CEP170B: variants seen among roughly 807,000 people sequenced by gnomAD.
CEP170B encodes centrosomal protein of 170 kDa protein B.
A neutral mutation model predicts 120.6 loss-of-function variants in CEP170B; 55 were observed. That is an observed-to-expected ratio of 0.46 (90% confidence interval 0.37 to 0.57). The LOEUF is 0.57. Among genes scored for constraint, CEP170B ranks in the 20% least tolerant of loss-of-function variants. CEP170B has a pLI of 0.00. For missense variants in CEP170B, 2,212 were observed against 2,253.3 expected, an observed-to-expected ratio of 0.98 and a Z score of 0.37; for synonymous variants, 1,033 against 954.5, an observed-to-expected ratio of 1.08 and a Z score of -1.52.
rs1037730520 is a variant in CEP170B at position 104,891,340 on chromosome 14, G to A, written c.3878+1582G>A. On this transcript the variant is annotated intron_variant, in intron 13 of 18. Transcript: ENST00000414716. The surrounding 1 kb of genome is among the most constrained non-coding windows in gnomAD (Gnocchi z 4.3). The stretch of plus-strand genomic sequence containing the variant: ...GAAAGGCTGTGGGGCAGGCAGGGGG[G>A]GTCCCAGGACCAGGGTGGATGGCAA... Among the ~76,000 whole-genome samples, 2 of 152,024 alleles carry A rather than the reference G, an allele frequency of 1.3e-5. No individual in the cohort carries two copies. The highest frequency in any genetic ancestry group is 2.9e-5 in the Non-Finnish European group (2 of 67,992).
Position 104,894,998 on chromosome 14 carries a change from G to A in CEP170B, c.*40G>A, listed in dbSNP as rs772651392. ...CAGGCCAGCCTCCCTGTGCGTGTGCGTCTCTGCCTTCCGTCCGCCGCACAC... is the reference window on the plus strand; with the variant it reads ...CAGGCCAGCCTCCCTGTGCGTGTGCATCTCTGCCTTCCGTCCGCCGCACAC... On this transcript the variant is annotated 3_prime_UTR_variant, in exon 19 of 19. Coordinates refer to ENST00000414716, the MANE Select transcript of CEP170B (RefSeq NM_001112726.3). 60 of 1,480,852 alleles carry A rather than the reference G, an allele frequency of 4.1e-5. No homozygotes were observed. Among genetic ancestry groups the A allele is most frequent in the South Asian group, 2.7e-4 (20 of 73,722 alleles). The allele number at this position is 1,480,852 out of a possible 1,614,324, so 91.7% of individuals were successfully genotyped here. A position where few individuals can be genotyped will look rare whatever the true frequency, so the allele number is the denominator to read the frequency against.
At chr14:104,872,350 G>A (rs1209832082) in intron 2 of CEP170B, among the ~76,000 whole-genome samples, 5 of 87,880 alleles carry the variant, frequency 5.7e-5, no homozygotes, top group African/African-American at 1.7e-4. Context: ...GTGTGTGTGC[G>A]TGTGTGTGCC....
At chr14:104,882,447 AGAGGAGGGGCCAGGCAGG>A (rs376562969) in intron 6 of CEP170B, among the ~76,000 whole-genome samples, 1,546 of 151,684 alleles carry the variant, frequency 0.01, 16 homozygotes, top group South Asian at 0.022. Flanking sequence ...CAGAGGGGAG[AGAGGAGGGGCCAGGCAGG>A]GAGGAGGGGC....
chr14:104,885,891 G>A, intron 10 of CEP170B, 149 bp from the exon 11 acceptor site: 3 of 741,556 alleles, frequency 4.0e-6, no homozygotes, highest in Non-Finnish European at 6.4e-6. Context: ...GCCTTTGCAG[G>A]GGCACGCTTG....
rs370708323 is a variant in CEP170B, at chr14:104,885,424, G to A, written c.1826G>A (p.Arg609His). 18 of 1,565,778 alleles carry A rather than the reference G, an allele frequency of 1.1e-5. No homozygotes were observed. The highest frequency in any genetic ancestry group is 1.4e-5 in the African/African-American group (1 of 73,810). Reference protein sequence around the residue: ...ELSRASSATFRPVIRGDRDES... With the variant: ...ELSRASSATFHPVIRGDRDES... The stretch of plus-strand genomic sequence containing the variant: ...TCCAGGGCATCTTCGGCCACCTTTC[G>A]CCCAGTCATCAGAGGGGACAGAGAT... Residue 609 changes from arginine (R) to histidine (H), a missense_variant, in exon 10 of 19, where the codon CGC (arginine) becomes CAC (histidine). Transcript: ENST00000414716.
rs551235164 is a variant in CEP170B, at chr14:104,867,870, C to T, written c.-27-554C>T. On this transcript the variant is annotated intron_variant, in intron 1 of 18. Transcript: ENST00000414716. This position sits in a 1 kb window ranked among gnomAD's most constrained non-coding sequence, Gnocchi z 5.4. ...TGGTGGACATATTGCTGACTCAGGG[C>T]CCCTGTCTCCAGCTCTGTCCCTGCT... is the stretch of plus-strand genomic sequence containing the variant. 6.6e-6 allele frequency among the ~76,000 whole-genome samples: 1 copy of T among 152,216 alleles called. No homozygotes were observed. Among genetic ancestry groups the T allele is most frequent in the South Asian group, 2.1e-4 (1 of 4,812 alleles).
At position 104,887,805 on chromosome 14, in the gene CEP170B, C is replaced by T. The variant is rs773756049; in HGVS notation, c.3566C>T (p.Ala1189Val). The change falls in exon 12 of 19, where the codon GCC (alanine) becomes GTC (valine). Residue 1189 changes from alanine (A) to valine (V), a missense_variant. Physicochemically the swap from Ala to Val is moderately conservative, Grantham distance 64 (BLOSUM62 0). Around this residue, in one of 2 missense-constraint regions of CEP170B, gnomAD observed 2,166 missense variants for 2,166.7 expected, o/e 1.00. Transcript: ENST00000414716. Reference sequence around the variant, plus strand: ...ACAGGGACTAGTGACCCCGAGGCAGCCCCTGCCCGCACCAGCTTCTCTGGC... The same window carrying T: ...ACAGGGACTAGTGACCCCGAGGCAGTCCCTGCCCGCACCAGCTTCTCTGGC... ...SFTGTSDPEAAPARTSFSGRS... is the reference protein window; with the variant it reads ...SFTGTSDPEAVPARTSFSGRS... The T allele has an allele frequency of 6.3e-7, 1 of 1,586,402 alleles. No individual in the cohort carries two copies. The highest frequency in any genetic ancestry group is 1.1e-5 in the South Asian group (1 of 87,608).
chr14:104,885,008 A>AGGCGATGCCGGGGGTGGC (rs1373912956), intron 9 of CEP170B, among the ~76,000 whole-genome samples: 28 of 79,396 alleles, frequency 3.5e-4, no homozygotes, highest in Admixed American at 2.6e-3. Context: ...TCGGGGGTGG[A>AGGCGATGCCGGGGGTGGC]GGCGATGCCG....
At chr14:104,878,554 C>A in intron 5 of CEP170B, 53 bp downstream of exon 5, 1 of 1,567,932 alleles carries the variant, frequency 6.4e-7, no homozygotes, top group South Asian at 1.1e-5. Context: ...AGCCCCCCAT[C>A]CTCCCCACCA....
At chr14:104,890,032 GGGCAGGTGGGCAGGTA>G (rs1896727464) in intron 13 of CEP170B, among the ~76,000 whole-genome samples, 2 of 89,134 alleles carry the variant, frequency 2.2e-5, no homozygotes, top group African/African-American at 4.6e-5. Context: ...ATGGATGGAT[GGGCAGGTGGGCAGGTA>G]GATGGATAGG....
chr14:104,887,759 CG>C lies in CEP170B; in HGVS notation c.3522del (p.Lys1175SerfsTer120). 1 of 1,579,374 alleles carries C rather than the reference CG, an allele frequency of 6.3e-7. No homozygotes were observed. The highest frequency in any genetic ancestry group is 8.6e-7 in the Non-Finnish European group (1 of 1,164,040). ...LSRLDILAMP[R>X]KRAGSFTGTS... ...ACGCCTGGACATCCTGGCCATGCCC[CG>C]GAAGCGGGCCGGCTCCTTCACAGGG... On this transcript the variant is annotated frameshift_variant, in exon 12 of 19. Transcript: ENST00000414716. LOFTEE classifies it high-confidence loss of function.
At position 104,870,134 on chromosome 14, in the gene CEP170B, T is replaced by A. The variant is rs1056563962; in HGVS notation, c.105+1579T>A. 7.6e-4 allele frequency among the ~76,000 whole-genome samples: 116 copies of A among 152,158 alleles called. No homozygotes were observed. Among genetic ancestry groups the A allele is most frequent in the African/African-American group, 2.7e-3 (112 of 41,504 alleles). ...CAAGGGCCTGGTAAAGATTTTAGGT[T>A]TTATGGACCACAAAGTATCCACTGC... is the stretch of plus-strand genomic sequence containing the variant. On this transcript the variant is annotated intron_variant, in intron 2 of 18. Transcript: ENST00000414716. The surrounding 1 kb of genome is among the most constrained non-coding windows in gnomAD (Gnocchi z 4.1).
intron 16 of CEP170B, 66 bp from the exon 17 acceptor site, chr14:104,894,219 A>G (rs1291292206): frequency 1.6e-6 from 2 of 1,264,392 alleles, no homozygotes; most frequent in African/African-American, 2.9e-5. Flanking sequence ...GTCTGGGAGA[A>G]TTGTGCCTCA....
chr14:104,893,900 A>T (rs1782083151), intron 16 of CEP170B, 51 bp downstream of exon 16: 1 of 1,519,398 alleles, frequency 6.6e-7, no homozygotes, highest in African/African-American at 1.4e-5. Context: ...GCACAGCTGC[A>T]TGAGCTGAGA....
rs1324882201 is a variant in CEP170B, at chr14:104,885,004, G to A, written c.1771-365G>A. Among the ~76,000 whole-genome samples the A allele has an allele frequency of 4.5e-4, 61 of 135,900 alleles. 1 individual carries two copies. Among genetic ancestry groups the A allele is most frequent in the African/African-American group, 1.5e-3 (55 of 36,730 alleles). The allele number at this position is 135,900 out of a possible 152,430, so 89.2% of individuals were successfully genotyped here. ...TGAGAGCCCTCGTGGGGAATCGGGG[G>A]TGGAGGCGATGCCGGGGGTGGCGAG... On this transcript the variant is annotated intron_variant, in intron 9 of 18. Coordinates refer to ENST00000414716, the MANE Select transcript of CEP170B (RefSeq NM_001112726.3).
Position 104,877,928 on chromosome 14 carries a change from C to T in CEP170B, c.239C>T (p.Thr80Met), listed in dbSNP as rs1433442597. The change falls in exon 4 of 19, where the codon ACG (threonine) becomes ATG (methionine). Residue 80 changes from threonine to methionine, a missense_variant. By Grantham distance (81) the Thr-to-Met change is moderately conservative. Coordinates refer to ENST00000414716, the MANE Select transcript of CEP170B (RefSeq NM_001112726.3). The stretch of plus-strand genomic sequence containing the variant: ...CGCATCCCGGACCAGAAGTACGTCA[C>T]GCTGAAGCTCAACGATGTCATCCGC... ...DMRIPDQKYV[T>M]LKLNDVIRFG... 9 of 1,593,762 alleles carry T rather than the reference C, an allele frequency of 5.6e-6. No individual in the cohort carries two copies. Among genetic ancestry groups the T allele is most frequent in the South Asian group, 2.2e-5 (2 of 90,270 alleles).
rs745478123 is a variant in CEP170B at position 104,887,686 on chromosome 14, C to A, written c.3447C>A (p.Asn1149Lys). The A allele has an allele frequency of 1.9e-6, 3 of 1,581,666 alleles. No homozygotes were observed. Among genetic ancestry groups the A allele is most frequent in the Non-Finnish European group, 1.7e-6 (2 of 1,166,172 alleles). ...AADGERGSLG[N>K]PEPVGRPAAE... The stretch of plus-strand genomic sequence containing the variant: ...ATGGTGAGCGGGGGTCCCTGGGCAA[C>A]CCTGAGCCCGTGGGCCGGCCAGCTG... Residue 1149 changes from asparagine to lysine, a missense_variant, in exon 12 of 19, where the codon AAC becomes AAA. Asn to Lys is a moderately conservative substitution (Grantham distance 94). Transcript: ENST00000414716.
Position 104,894,890 on chromosome 14 carries a change from G to C in CEP170B, c.4597G>C (p.Ala1533Pro), listed in dbSNP as rs1407362429. The part of the protein sequence containing the change: ...ALPLRNFPQR[A>P]SCGPPSLPDP... The stretch of plus-strand genomic sequence containing the variant: ...GCCCCTGAGGAATTTCCCACAGCGG[G>C]CCAGCTGTGGGCCTCCCAGCCTCCC... The change falls in exon 19 of 19, where the codon GCC becomes CCC. Residue 1533 changes from alanine (A) to proline (P), a missense_variant. This residue lies in a region of CEP170B where 2,166 missense variants were observed against 2,166.7 expected (regional missense o/e 1.00). Coordinates refer to ENST00000414716, the MANE Select transcript of CEP170B (RefSeq NM_001112726.3). 1 of 1,602,268 alleles carries C rather than the reference G, an allele frequency of 6.2e-7. No homozygotes were observed. Among genetic ancestry groups the C allele is most frequent in the Non-Finnish European group, 8.5e-7 (1 of 1,175,176 alleles).
chr14:104,893,700 T>G (rs1191820051), intron 15 of CEP170B, 34 bp downstream of exon 15: 9 of 1,584,944 alleles, frequency 5.7e-6, no homozygotes, highest in Non-Finnish European at 6.0e-6. Context: ...GAGCTGGGTG[T>G]GGGGGGAGCA....
Sources: allele counts gnomAD v4.1 joint callset (sites outside exome capture counted in the v4.1 genomes callset), GRCh38; gene constraint gnomAD v4.1.1; regional missense constraint gnomAD v4.1.1; non-coding constraint Gnocchi (gnomAD v3.1); transcripts MANE v1.5; gene names NCBI Gene and HGNC (gene_info 2026-07-23, HGNC 2026-07-21).